The following SLC28A1 variants were observed in gnomAD, a reference collection of about 807,000 sequenced individuals.
The protein encoded by SLC28A1 is solute carrier family 28 member 1.
SLC28A1 carries 64 observed loss-of-function variants against 74.8 expected under a neutral mutation model. The ratio of observed to expected loss-of-function variants is 0.86; its 90% CI spans 0.70 to 1.05. The LOEUF (loss-of-function observed/expected upper bound fraction) is 1.05. SLC28A1 is among the 50% of genes least tolerant of loss of function. The pLI is 0.00. For synonymous variants in SLC28A1, 359 were observed against 335.0 expected (o/e 1.07, Z -0.78); for missense variants, 828 against 822.8 (o/e 1.01, Z -0.08).
At chr15:84,906,212 G>A (rs1307225514) in intron 8 of SLC28A1, among the ~76,000 whole-genome samples, 1 of 151,726 alleles carries the variant, frequency 6.6e-6, no homozygotes. Flanking sequence ...TACAGACAGG[G>A]TTTCACCATG....
At chr15:84,961,930 T>C in the SLC28A1 span, among the ~76,000 whole-genome samples, 1 of 152,164 alleles carries the variant, frequency 6.6e-6, no homozygotes, top group Non-Finnish European at 1.5e-5. Context: ...TTACATTTGC[T>C]CCTCCCCTGG....
intron 6 of SLC28A1, 49 bp downstream of exon 6, chr15:84,895,172 T>C (rs1339156457): frequency 8.1e-6 from 13 of 1,605,706 alleles, no homozygotes; most frequent in Non-Finnish European, 1.1e-5. Context: ...GCCCATGAGC[T>C]GAGGGGTTGG....
chr15:84,907,442 C>T (rs1314841757), intron 8 of SLC28A1, among the ~76,000 whole-genome samples: 1 of 152,160 alleles, frequency 6.6e-6, no homozygotes, highest in Non-Finnish European at 1.5e-5. Context: ...GCCTTGGCCT[C>T]CCAAAGTGCT....
intron 15 of SLC28A1, among the ~76,000 whole-genome samples, chr15:84,938,200 C>A (rs1191057809): frequency 7.6e-4 from 98 of 129,154 alleles, no homozygotes; most frequent in Non-Finnish European, 7.6e-4. Flanking sequence ...AACTCCATCT[C>A]AAAAAAAAAA....
the SLC28A1 span, among the ~76,000 whole-genome samples, chr15:84,972,795 C>T: frequency 1.2e-4 from 18 of 152,228 alleles, no homozygotes; most frequent in Non-Finnish European, 2.5e-4. Flanking sequence ...CAAATGCCCC[C>T]ATGAATTCAA....
chr15:84,924,211 T>C lies in SLC28A1; in HGVS notation c.1083+101T>C. ...TGGCCAGAGCAGCCCTCAGATCTTC[T>C]CTCTTGGGCCTGCTGTGCTGGCAAG... On this transcript the variant is annotated intron_variant, in intron 12 of 18. Coordinates refer to ENST00000394573, the MANE Select transcript of SLC28A1 (RefSeq NM_004213.5). 5 of 1,357,756 alleles carry C rather than the reference T, an allele frequency of 3.7e-6. 1 individual carries two copies. The highest frequency in any genetic ancestry group is 2.3e-5 in the East Asian group (1 of 43,578). 84.1% of individuals were successfully genotyped at this position (1,357,756 alleles called of 1,614,324 possible).
intron 12 of SLC28A1, among the ~76,000 whole-genome samples, chr15:84,925,388 C>T (rs1427848193): frequency 3.3e-5 from 5 of 151,952 alleles, no homozygotes; most frequent in Admixed American, 3.3e-4. Flanking sequence ...CATCTGAGGT[C>T]AGGAATTTGA....
intron 15 of SLC28A1, among the ~76,000 whole-genome samples, chr15:84,936,242 T>TG (rs1971917685): frequency 1.5e-5 from 2 of 133,482 alleles, no homozygotes; most frequent in Non-Finnish European, 3.4e-5. Context: ...TGCGCCCGGC[T>TG]GTTTTGGTTT....
the SLC28A1 span, among the ~76,000 whole-genome samples, chr15:84,953,004 G>T: frequency 2.6e-5 from 4 of 152,178 alleles, no homozygotes; most frequent in Non-Finnish European, 5.9e-5. Flanking sequence ...GGAGTCCATT[G>T]TTTATATTAC....
At chr15:84,887,284 G>T (rs913759285) in intron 2 of SLC28A1, 2 of 827,590 alleles carry the variant, frequency 2.4e-6, no homozygotes, top group Non-Finnish European at 2.9e-6. Flanking sequence ...AGATACATAT[G>T]CAGGCTGTAT....
chr15:84,970,785 C>T, the SLC28A1 span, among the ~76,000 whole-genome samples: 1 of 151,976 alleles, frequency 6.6e-6, no homozygotes, highest in Non-Finnish European at 1.5e-5. Context: ...ATTGCTTGAA[C>T]CCAGGAGTTT....
At chr15:84,905,468 C>G (rs1966940054) in intron 7 of SLC28A1, 71 bp from the exon 8 acceptor site, 5 of 1,085,450 alleles carry the variant, frequency 4.6e-6, no homozygotes, top group South Asian at 1.3e-5. Flanking sequence ...GCCCCCTGCT[C>G]TCACCCCCAC....
At chr15:84,895,677 C>G in intron 6 of SLC28A1, 1 of 1,409,180 alleles carries the variant, frequency 7.1e-7, no homozygotes, top group African/African-American at 1.4e-5. Context: ...GACTTCCCGC[C>G]CAGCCCACCA....
chr15:84,917,112 C>T (rs1484135205), intron 9 of SLC28A1, among the ~76,000 whole-genome samples: 5 of 151,898 alleles, frequency 3.3e-5, no homozygotes, highest in African/African-American at 1.2e-4. Context: ...TCCATAGCCC[C>T]AGCACATAGA....
At position 84,887,857 on chromosome 15, in the gene SLC28A1, G is replaced by A. The variant is rs565949855; in HGVS notation, c.96+1G>A. 14 of 1,606,876 alleles carry A rather than the reference G, an allele frequency of 8.7e-6. No individual in the cohort carries two copies. In the South Asian group the frequency reaches 1.1e-4, roughly 13 times the overall value. The stretch of plus-strand genomic sequence containing the variant: ...GGGGGCTGATTTCTTGGAAAGCCTG[G>A]TCTGTACCCTTCCCCATCAGTCATC... On this transcript the variant is annotated splice_donor_variant, in intron 3 of 18. Coordinates refer to ENST00000394573, the MANE Select transcript of SLC28A1 (RefSeq NM_004213.5). LOFTEE classifies it high-confidence loss of function.
chr15:84,896,136 A>T (rs1298761853), intron 6 of SLC28A1: 1 of 195,062 alleles, frequency 5.1e-6, no homozygotes, highest in Non-Finnish European at 9.3e-6. Context: ...GATAAACTGG[A>T]CTTCATAAAA....
intron 10 of SLC28A1, among the ~76,000 whole-genome samples, chr15:84,920,166 T>C (rs1364126809): frequency 6.6e-6 from 1 of 152,120 alleles, no homozygotes; most frequent in Non-Finnish European, 1.5e-5. Flanking sequence ...AGCTTTCTAG[T>C]TGGGCGTGGT....
At chr15:84,926,809 GGGTGGT>G (rs1970575366) in intron 12 of SLC28A1, among the ~76,000 whole-genome samples, 3 of 141,016 alleles carry the variant, frequency 2.1e-5, no homozygotes, top group Admixed American at 7.0e-5. Context: ...GGGAGGGGGG[GGGTGGT>G]GGTAGGCGGT....
chr15:84,958,993 G>A, the SLC28A1 span, among the ~76,000 whole-genome samples: 2 of 151,250 alleles, frequency 1.3e-5, no homozygotes, highest in Non-Finnish European at 2.9e-5. Context: ...CTAGCTACTC[G>A]GGAGGCTGAG....
Sources: gnomAD v4.1 joint callset for allele counts (sites outside exome capture counted in the v4.1 genomes callset) on GRCh38, gnomAD v4.1.1 for gene constraint, MANE v1.5 for transcripts, NCBI Gene and HGNC (gene_info 2026-07-23, HGNC 2026-07-21) for gene names.